Variants in GREB1 observed in about 807,000 individuals in gnomAD.
GREB1 encodes protein GREB1.
Under a neutral mutation model 200.7 loss-of-function variants are expected in GREB1, and 106 were observed. The observed-to-expected ratio is 0.53, with a 90% CI of 0.45 to 0.62. The LOEUF (loss-of-function observed/expected upper bound fraction) is 0.62. Among genes scored for constraint, GREB1 ranks in the 20% least tolerant of loss-of-function variants. The pLI, the probability that GREB1 is intolerant of heterozygous loss-of-function variation, is 0.00. For synonymous variants in GREB1, 1,132 were observed against 1,092.4 expected (o/e 1.04, Z -0.72); for missense variants, 2,243 against 2,556.8 (o/e 0.88, Z 2.65).
chr2:11,595,406 A>G lies in GREB1; in HGVS notation c.1825+27A>G, dbSNP rs776939191. On this transcript the variant is annotated intron_variant, in intron 12 of 32. Transcript: ENST00000381486. The stretch of plus-strand genomic sequence containing the variant: ...TAGGCTTGTCGTGAGACAGGTGCAC[A>G]TGCGTATGTTAATAGGACAGTAATC... The G allele has an allele frequency of 6.2e-5, 100 of 1,606,808 alleles. 1 individual carries two copies. In the Admixed American group the frequency reaches 8.9e-4, roughly 14 times the overall value.
chr2:11,595,131 T>G, intron 11 of GREB1, 120 bp from the exon 12 acceptor site: 1 of 871,936 alleles, frequency 1.1e-6, no homozygotes, highest in East Asian at 2.8e-5. Context: ...ATCCAGCTGT[T>G]AGCCACAGAT....
intron 1 of GREB1, among the ~76,000 whole-genome samples, chr2:11,527,830 C>T (rs938495681): frequency 6.6e-6 from 1 of 152,220 alleles, no homozygotes; most frequent in African/African-American, 2.4e-5. Context: ...GGGAGGGCGC[C>T]ACACTTGACC....
intron 24 of GREB1, 57 bp from the exon 25 acceptor site, chr2:11,626,904 AG>A (rs1684505618): frequency 6.3e-7 from 1 of 1,581,038 alleles, no homozygotes; most frequent in South Asian, 1.1e-5. Context: ...TTGAGCAGGC[AG>A]GGGATAATGT....
At chr2:11,512,325 T>C (rs114938673) in intron 1 of GREB1, among the ~76,000 whole-genome samples, 1,542 of 152,326 alleles carry the variant, frequency 0.01, 23 homozygotes, top group African/African-American at 0.034. Context: ...GAAATTATAA[T>C]TCTTATGAGG....
At chr2:11,590,086 C>T (rs1680579103) in intron 10 of GREB1, among the ~76,000 whole-genome samples, 1 of 152,094 alleles carries the variant, frequency 6.6e-6, no homozygotes, top group African/African-American at 2.4e-5. Flanking sequence ...TGGGGACCTC[C>T]AATCTTCAGA....
At chr2:11,574,351 G>A (rs947566734) in intron 4 of GREB1, among the ~76,000 whole-genome samples, 3 of 152,188 alleles carry the variant, frequency 2.0e-5, no homozygotes, top group Non-Finnish European at 4.4e-5. Flanking sequence ...CTGAGCTACA[G>A]GAAGAGTCTG....
In GREB1 at chr2:11,522,736, G is replaced by A. The variant is rs556596566; in HGVS notation, c.-158-33721G>A. Among the ~76,000 whole-genome samples the A allele has an allele frequency of 7.2e-5, 11 of 152,298 alleles. 1 individual carries two copies. Among genetic ancestry groups the A allele is most frequent in the East Asian group, 5.8e-4 (3 of 5,182 alleles). On this transcript the variant is annotated intron_variant, in intron 1 of 2. Transcript: ENST00000628795. Reference sequence around the variant, plus strand: ...AGCAGAGGGACCTGGGGAGGCTTCCGCTGGGGAGCATCTTAGCTGTGCAGA... The same window carrying A: ...AGCAGAGGGACCTGGGGAGGCTTCCACTGGGGAGCATCTTAGCTGTGCAGA...
chr2:11,565,463 G>T (rs1203790060), intron 3 of GREB1, among the ~76,000 whole-genome samples: 1 of 152,156 alleles, frequency 6.6e-6, no homozygotes, highest in Non-Finnish European at 1.5e-5. Context: ...GAAGGCCTTG[G>T]CTCGTCAGGA....
chr2:11,619,579 C>T (rs1683830774), intron 22 of GREB1, among the ~76,000 whole-genome samples: 1 of 152,242 alleles, frequency 6.6e-6, no homozygotes. Flanking sequence ...TCCATACCCT[C>T]ACACTATTGG....
chr2:11,584,558 A>G (rs9789414), intron 7 of GREB1, among the ~76,000 whole-genome samples: 91,922 of 152,074 alleles, frequency 0.6, 29,844 homozygotes, highest in African/African-American at 0.86. Flanking sequence ...TAATGATGGT[A>G]GTGAAGATGA....
chr2:11,596,254 G>A lies in GREB1; in HGVS notation c.1954+15G>A, dbSNP rs1358852305. Reference sequence around the variant, plus strand: ...GGTGTGCACAAGTGAGTGGTGAAAAGGAATCTCCCAGGGTGGAGAGGGTAC... The same window carrying A: ...GGTGTGCACAAGTGAGTGGTGAAAAAGAATCTCCCAGGGTGGAGAGGGTAC... On this transcript the variant is annotated intron_variant, in intron 13 of 32. Coordinates refer to ENST00000381486, the MANE Select transcript of GREB1 (RefSeq NM_014668.4). The A allele has an allele frequency of 1.9e-6, 3 of 1,610,718 alleles. No individual in the cohort carries two copies. The highest frequency in any genetic ancestry group is 2.5e-6 in the Non-Finnish European group (3 of 1,177,750).
chr2:11,494,424 C>G (rs1672835686), intron 1 of GREB1, among the ~76,000 whole-genome samples: 1 of 152,194 alleles, frequency 6.6e-6, no homozygotes, highest in Admixed American at 6.5e-5. Flanking sequence ...ATGGGGGTGC[C>G]CAGTGCCATC....
intron 7 of GREB1, among the ~76,000 whole-genome samples, chr2:11,583,091 C>T (rs1443940068): frequency 1.3e-5 from 2 of 152,152 alleles, no homozygotes; most frequent in Non-Finnish European, 2.9e-5. Flanking sequence ...ATAGTTGATC[C>T]ACATTGGTAC....
At chr2:11,592,042 A>C in intron 10 of GREB1, 1 of 979,384 alleles carries the variant, frequency 1.0e-6, no homozygotes, top group Non-Finnish European at 1.2e-6. Flanking sequence ...CCCAGGCTGA[A>C]TGTTCTACAC....
intron 4 of GREB1, among the ~76,000 whole-genome samples, chr2:11,569,501 G>A (rs1678045452): frequency 6.6e-6 from 1 of 152,208 alleles, no homozygotes; most frequent in Admixed American, 6.5e-5. Context: ...ATGGGAGGAT[G>A]TGGTATCTGA....
intron 1 of GREB1, among the ~76,000 whole-genome samples, chr2:11,539,037 T>TCCTCCTTTCTCCCTTCTCCTCC (rs1553347515): frequency 1.7e-5 from 1 of 57,968 alleles, no homozygotes; most frequent in African/African-American, 3.5e-5. Flanking sequence ...TCTTCTCTTC[T>TCCTCCTTTCTCCCTTCTCCTCC]CTTCTCTTCT....
In GREB1 at chr2:11,548,047, A is replaced by G. The variant is rs895466175; in HGVS notation, c.-161-8407A>G. Among the ~76,000 whole-genome samples the G allele has an allele frequency of 6.6e-6, 1 of 152,068 alleles. No individual in the cohort carries two copies. Among genetic ancestry groups the G allele is most frequent in the Non-Finnish European group, 1.5e-5 (1 of 68,024 alleles). ...AAAAAAGCTATCTGGGCATGGTGGCATGTTCCTATAGTCCTAGCTACTCAG... is the reference window on the plus strand; with the variant it reads ...AAAAAAGCTATCTGGGCATGGTGGCGTGTTCCTATAGTCCTAGCTACTCAG... On this transcript the variant is annotated intron_variant, in intron 1 of 32. Coordinates refer to ENST00000381486, the MANE Select transcript of GREB1 (RefSeq NM_014668.4). This position sits in a 1 kb window ranked among gnomAD's most constrained non-coding sequence, Gnocchi z 5.1.
chr2:11,613,945 G>C (rs1683159261), intron 19 of GREB1, among the ~76,000 whole-genome samples: 1 of 152,120 alleles, frequency 6.6e-6, no homozygotes, highest in Non-Finnish European at 1.5e-5. Flanking sequence ...TTGTGTTTCT[G>C]CTGCGCAAGT....
intron 7 of GREB1, among the ~76,000 whole-genome samples, chr2:11,582,143 G>A (rs1398627416): frequency 3.3e-5 from 5 of 152,174 alleles, no homozygotes; most frequent in Admixed American, 1.3e-4. Flanking sequence ...ACGCTGCTGC[G>A]GCCTCCCTTC....
Sources: allele counts gnomAD v4.1 joint callset (sites outside exome capture counted in the v4.1 genomes callset), GRCh38; gene constraint gnomAD v4.1.1; non-coding constraint Gnocchi (gnomAD v3.1); transcripts MANE v1.5; gene names NCBI Gene and HGNC (gene_info 2026-07-23, HGNC 2026-07-21).